Variants in CACNA1I observed in about 807,000 individuals in gnomAD.
CACNA1I encodes calcium voltage-gated channel subunit alpha1 I.
In CACNA1I, 74 loss-of-function variants were observed where a neutral mutation model predicts 201.6. The ratio of observed to expected loss-of-function variants is 0.37; its 90% confidence interval spans 0.30 to 0.45. The LOEUF (loss-of-function observed/expected upper bound fraction) is 0.45, where lower values mean the gene tolerates loss of function less well. CACNA1I is among the 20% of genes least tolerant of loss of function. The probability of loss-of-function intolerance (pLI) is 1.00; values close to 1 mark genes in which losing one functional copy is unlikely to be tolerated. For synonymous variants in CACNA1I, 1,431 were observed against 1,345.2 expected (o/e 1.06, Z -1.40); for missense variants, 2,346 against 3,138.1 (o/e 0.75, Z 6.03).
At chr22:39,576,398 G>T (rs1280085409) in intron 1 of CACNA1I, among the ~76,000 whole-genome samples, 1 of 152,190 alleles carries the variant, frequency 6.6e-6, no homozygotes, top group Non-Finnish European at 1.5e-5. Flanking sequence ...TTTTATCCAG[G>T]GTTGCACAGC....
chr22:39,575,125 C>G (rs1444244280), intron 1 of CACNA1I, among the ~76,000 whole-genome samples: 2 of 152,256 alleles, frequency 1.3e-5, no homozygotes, highest in African/African-American at 4.8e-5. Flanking sequence ...GCTGCAGATG[C>G]AGCTGCAAGG....
In CACNA1I at chr22:39,629,796, C is replaced by T. The variant is rs1437115729; in HGVS notation, c.581-4769C>T. The stretch of plus-strand genomic sequence containing the variant: ...TCAGAGATGTGTATGCCGTTCGGGG[C>T]GCTGTCCACAGGGGCGTCTGCACAG... On this transcript the variant is annotated intron_variant, in intron 4 of 36. Coordinates refer to ENST00000402142, the MANE Select transcript of CACNA1I (RefSeq NM_021096.4). This position sits in a 1 kb window ranked among gnomAD's most constrained non-coding sequence, Gnocchi z 4.8. Among the ~76,000 whole-genome samples the T allele has an allele frequency of 6.6e-6, 1 of 152,200 alleles. No homozygotes were observed. The highest frequency in any genetic ancestry group is 1.9e-4 in the East Asian group (1 of 5,188).
intron 3 of CACNA1I, among the ~76,000 whole-genome samples, chr22:39,603,927 T>G (rs191077653): frequency 4.3e-4 from 66 of 152,360 alleles, no homozygotes; most frequent in Admixed American, 8.5e-4. Context: ...GATAAAAATC[T>G]ACAAGTTAAA....
At chr22:39,617,690 A>C (rs1468676806) in intron 3 of CACNA1I, among the ~76,000 whole-genome samples, 1 of 152,002 alleles carries the variant, frequency 6.6e-6, no homozygotes, top group Non-Finnish European at 1.5e-5. Flanking sequence ...CAGAATCCTC[A>C]TGCAGTCCCG....
At chr22:39,646,101 G>T (rs1192598846) in intron 7 of CACNA1I, among the ~76,000 whole-genome samples, 1 of 152,026 alleles carries the variant, frequency 6.6e-6, no homozygotes, top group African/African-American at 2.4e-5. Context: ...GGGCTTTGAA[G>T]CAGATTCCGG....
chr22:39,675,391 C>G (rs1297410983), intron 29 of CACNA1I, among the ~76,000 whole-genome samples: 3 of 152,150 alleles, frequency 2.0e-5, no homozygotes, highest in African/African-American at 4.8e-5. Context: ...CTTCCCCATG[C>G]TCTGACCCCT....
In CACNA1I at chr22:39,570,917, G is replaced by T; in HGVS notation, c.165G>T (p.Ala55=). Reference sequence around the variant, plus strand: ...CTCATGTCCCACACCCAGACCTGGCGCCTATTGCCTTCTTCTGCCTGCGAC... The same window carrying T: ...CTCATGTCCCACACCCAGACCTGGCTCCTATTGCCTTCTTCTGCCTGCGAC... ...ADPHVPHPDL[A]PIAFFCLRQT... is the part of the protein sequence containing the mutation. The change falls in exon 1 of 37, where the codon GCG becomes GCT. Residue 55 remains alanine, a synonymous_variant. Transcript: ENST00000402142. 1.2e-6 allele frequency: 2 copies of T among 1,613,814 alleles called. No individual in the cohort carries two copies. Among genetic ancestry groups the T allele is most frequent in the Non-Finnish European group, 1.7e-6 (2 of 1,179,856 alleles).
chr22:39,612,218 C>T (rs2146383925), intron 3 of CACNA1I, among the ~76,000 whole-genome samples: 1 of 152,242 alleles, frequency 6.6e-6, no homozygotes, highest in South Asian at 2.1e-4. Flanking sequence ...ACTTTCTTGC[C>T]CTTCTGCCAC....
chr22:39,686,310 C>G lies in CACNA1I; in HGVS notation c.6577C>G (p.Pro2193Ala). 7.5e-7 allele frequency: 1 copy of G among 1,334,128 alleles called. No homozygotes were observed. The highest frequency in any genetic ancestry group is 9.6e-7 in the Non-Finnish European group (1 of 1,038,626). The allele number at this position is 1,334,128 out of a possible 1,614,324, so 82.6% of individuals were successfully genotyped here. ...DRSKDPPGRAPLPMGLGPLAP... is the reference protein window; with the variant it reads ...DRSKDPPGRAALPMGLGPLAP... ...CAGCAAGGACCCCCCCGGCCGGGCA[C>G]CGCTGCCCATGGGCCTGGGCCCCTT... Residue 2193 changes from proline to alanine, a missense_variant, in exon 37 of 37, where the codon CCG becomes GCG. Transcript: ENST00000402142.
intron 1 of CACNA1I, among the ~76,000 whole-genome samples, chr22:39,573,676 C>A (rs2145795982): frequency 6.6e-6 from 1 of 152,306 alleles, no homozygotes; most frequent in Middle Eastern, 3.4e-3. Flanking sequence ...GGGAACCCAC[C>A]CAGTTTTCCA....
At chr22:39,627,712 G>A (rs925273625) in intron 4 of CACNA1I, among the ~76,000 whole-genome samples, 5 of 152,238 alleles carry the variant, frequency 3.3e-5, no homozygotes, top group Non-Finnish European at 5.9e-5. Flanking sequence ...TTTACTCTCG[G>A]CTTGGGGAGA....
In CACNA1I at chr22:39,682,574, T is replaced by C. The variant is rs1935737103; in HGVS notation, c.5743T>C (p.Ser1915Pro). 6.2e-7 allele frequency: 1 copy of C among 1,613,510 alleles called. No individual in the cohort carries two copies. The highest frequency in any genetic ancestry group is 1.3e-5 in the African/African-American group (1 of 74,890). The change falls in exon 35 of 37, where the codon TCG (serine) becomes CCG (proline). Residue 1915 changes from serine to proline, a missense_variant. Ser to Pro is a moderately conservative substitution (Grantham distance 74). Coordinates refer to ENST00000402142, the MANE Select transcript of CACNA1I (RefSeq NM_021096.4). ...CTTCCCCTTGTCCTCTACGGCCGTC[T>C]CGCCGGATCCAGAGAACTTCCTGTG... ...CFFPLSSTAV[S>P]PDPENFLCEM...
chr22:39,625,582 T>C lies in CACNA1I; in HGVS notation c.580+6175T>C, dbSNP rs186279927. ...GGATGAGCGGGGGACATGGACATCA[T>C]GGTGCTGCTTACAGAATCGTATAAA... is the stretch of plus-strand genomic sequence containing the variant. On this transcript the variant is annotated intron_variant, in intron 4 of 36. Transcript: ENST00000402142. Among the ~76,000 whole-genome samples, 152 of 152,302 alleles carry C rather than the reference T, an allele frequency of 1.0e-3. 4 individuals are homozygous for C. In the East Asian group the frequency reaches 0.027, roughly 27 times the overall value.
intron 23 of CACNA1I, among the ~76,000 whole-genome samples, chr22:39,667,652 T>C (rs966272175): frequency 2.6e-5 from 4 of 152,052 alleles, no homozygotes; most frequent in African/African-American, 9.7e-5. Context: ...GATGCTGATC[T>C]GCCATCTCTG....
chr22:39,671,132 C>T (rs1935365228), intron 26 of CACNA1I, among the ~76,000 whole-genome samples, 178 bp downstream of exon 26: 1 of 152,144 alleles, frequency 6.6e-6, no homozygotes, highest in Non-Finnish European at 1.5e-5. Flanking sequence ...CAAGCTTGCC[C>T]TCAGGAAGCT....
intron 4 of CACNA1I, among the ~76,000 whole-genome samples, chr22:39,632,827 T>TG (rs916773073): frequency 2.0e-5 from 3 of 151,582 alleles, no homozygotes; most frequent in African/African-American, 7.3e-5. Context: ...CCCTTCCCTC[T>TG]GCTGTACACG....
intron 1 of CACNA1I, among the ~76,000 whole-genome samples, chr22:39,590,428 A>G (rs1427242895): frequency 6.6e-6 from 1 of 152,220 alleles, no homozygotes. Flanking sequence ...CATACAACAC[A>G]GGCCTGGGTC....
chr22:39,620,275 CCATA>C (rs1034116517), intron 4 of CACNA1I, among the ~76,000 whole-genome samples: 2 of 44,406 alleles, frequency 4.5e-5, no homozygotes, highest in Admixed American at 7.3e-4. Context: ...ATCCATCCAT[CCATA>C]CGTACATACA....
chr22:39,652,124 C>T (rs998715658), intron 10 of CACNA1I, among the ~76,000 whole-genome samples: 8 of 152,040 alleles, frequency 5.3e-5, no homozygotes, highest in African/African-American at 1.9e-4. Flanking sequence ...ACCTCCCCCT[C>T]CCAGGTTCAA....
Sources: gnomAD v4.1 joint callset for allele counts (sites outside exome capture counted in the v4.1 genomes callset) on GRCh38, gnomAD v4.1.1 for gene constraint, Gnocchi (gnomAD v3.1) non-coding constraint, MANE v1.5 for transcripts, NCBI Gene and HGNC (gene_info 2026-07-23, HGNC 2026-07-21) for gene names.